Variants in SLC44A5 observed in about 807,000 individuals in gnomAD.
The protein encoded by SLC44A5 is choline transporter-like protein 5.
In SLC44A5, 57 loss-of-function variants were observed where a neutral mutation model predicts 101.8. The ratio of observed to expected loss-of-function variants is 0.56; its 90% confidence interval spans 0.45 to 0.70. SLC44A5 has a LOEUF of 0.70. SLC44A5 is among the 30% of genes least tolerant of loss of function. The pLI is 0.00. For missense variants in SLC44A5, 737 were observed against 853.1 expected (o/e 0.86, Z 1.70); for synonymous variants, 281 against 290.9 (o/e 0.97, Z 0.35).
chr1:75,411,252 G>A (rs1663261270), intron 2 of SLC44A5, among the ~76,000 whole-genome samples: 1 of 151,980 alleles, frequency 6.6e-6, no homozygotes, highest in African/African-American at 2.4e-5. Flanking sequence ...GGAAGAAAGG[G>A]GTCTCAAGTC....
At chr1:75,319,802 T>G (rs774885011) in intron 4 of SLC44A5, among the ~76,000 whole-genome samples, 1 of 152,094 alleles carries the variant, frequency 6.6e-6, no homozygotes, top group Non-Finnish European at 1.5e-5. Context: ...TTTCAAAATA[T>G]AACAGATAAA....
At chr1:75,222,299 G>T in intron 14 of SLC44A5, 62 bp downstream of exon 14, 1 of 1,216,218 alleles carries the variant, frequency 8.2e-7, no homozygotes. Context: ...TTTATGCAAG[G>T]GACAGTGACT....
At chr1:75,476,142 C>T (rs1289902879) in intron 2 of SLC44A5, among the ~76,000 whole-genome samples, 1 of 151,866 alleles carries the variant, frequency 6.6e-6, no homozygotes, top group African/African-American at 2.4e-5. Context: ...GAGATCAGGC[C>T]ACTGCACTCC....
At chr1:75,460,068 T>C (rs1666414088) in intron 2 of SLC44A5, among the ~76,000 whole-genome samples, 1 of 152,204 alleles carries the variant, frequency 6.6e-6, no homozygotes, top group South Asian at 2.1e-4. Context: ...ATATTAAAAT[T>C]AATGGCTATA....
chr1:75,582,521 G>A (rs547084430), intron 1 of SLC44A5: 2 of 553,760 alleles, frequency 3.6e-6, no homozygotes, highest in African/African-American at 3.7e-5. Flanking sequence ...TCCAGCTCAG[G>A]CTCCCAAAGG....
chr1:75,676,656 G>T, the SLC44A5 span, among the ~76,000 whole-genome samples: 1 of 152,152 alleles, frequency 6.6e-6, no homozygotes, highest in Non-Finnish European at 1.5e-5. Context: ...ATTTACTTAG[G>T]TAACAAACCT....
At chr1:75,587,583 G>C (rs1674083491) in intron 1 of SLC44A5, among the ~76,000 whole-genome samples, 1 of 152,108 alleles carries the variant, frequency 6.6e-6, no homozygotes, top group Non-Finnish European at 1.5e-5. Flanking sequence ...CTTTCCTCCA[G>C]TTGTTGTTTT....
chr1:75,251,361 A>G, intron 6 of SLC44A5, 67 bp from the exon 7 acceptor site: 5 of 1,291,744 alleles, frequency 3.9e-6, no homozygotes, highest in Non-Finnish European at 5.5e-6. Flanking sequence ...TCAGACCCTG[A>G]ACACTTTTTA....
intron 2 of SLC44A5, among the ~76,000 whole-genome samples, chr1:75,469,963 G>T (rs1667019322): frequency 6.8e-6 from 1 of 147,172 alleles, no homozygotes; most frequent in Non-Finnish European, 1.5e-5. Flanking sequence ...ATAAAAAATT[G>T]CAGTTCAAAG....
chr1:75,574,171 G>A (rs1405508575), intron 1 of SLC44A5, among the ~76,000 whole-genome samples: 1 of 152,170 alleles, frequency 6.6e-6, no homozygotes, highest in Admixed American at 6.5e-5. Context: ...TGTTCCCCCT[G>A]TGGCTTATCC....
At chr1:75,233,920 A>G in intron 12 of SLC44A5, 66 bp downstream of exon 12, 3 of 1,198,224 alleles carry the variant, frequency 2.5e-6, no homozygotes, top group Non-Finnish European at 3.7e-6. Flanking sequence ...CTGGTAACTG[A>G]TAACAGCGAT....
At chr1:75,474,446 C>T (rs185403309) in intron 2 of SLC44A5, among the ~76,000 whole-genome samples, 8 of 152,304 alleles carry the variant, frequency 5.3e-5, no homozygotes, top group African/African-American at 1.9e-4. Flanking sequence ...CTTTCAAATT[C>T]ACACCTCAAT....
intron 2 of SLC44A5, among the ~76,000 whole-genome samples, chr1:75,510,287 G>T (rs1669496711): frequency 6.6e-6 from 1 of 152,122 alleles, no homozygotes; most frequent in African/African-American, 2.4e-5. Flanking sequence ...AGTAGACCTT[G>T]AAGAGTCCTA....
chr1:75,287,206 C>A (rs756080083), intron 5 of SLC44A5, among the ~76,000 whole-genome samples: 19 of 151,804 alleles, frequency 1.3e-4, no homozygotes, highest in Non-Finnish European at 2.2e-4. Context: ...GAAGCTCTTT[C>A]TTCTACTTTT....
the SLC44A5 span, among the ~76,000 whole-genome samples, chr1:75,640,022 A>T: frequency 6.6e-6 from 1 of 152,028 alleles, no homozygotes; most frequent in African/African-American, 2.4e-5. Flanking sequence ...TTGTACTGAA[A>T]GGGGGAAAAG....
At chr1:75,300,917 A>G (rs1207691092) in intron 4 of SLC44A5, among the ~76,000 whole-genome samples, 1 of 152,178 alleles carries the variant, frequency 6.6e-6, no homozygotes, top group Non-Finnish European at 1.5e-5. Flanking sequence ...AACTCTTAGT[A>G]TTTGTTCTCT....
At chr1:75,242,262 G>A (rs539706193) in intron 8 of SLC44A5, among the ~76,000 whole-genome samples, 11 of 151,818 alleles carry the variant, frequency 7.2e-5, no homozygotes, top group African/African-American at 1.4e-4. Flanking sequence ...TAATTCAATC[G>A]GACCAACAAT....
At chr1:75,515,404 TTTTGTACC>T (rs1229915205) in intron 2 of SLC44A5, among the ~76,000 whole-genome samples, 1 of 152,088 alleles carries the variant, frequency 6.6e-6, no homozygotes, top group African/African-American at 2.4e-5. Context: ...TTGTCTGAAA[TTTTGTACC>T]TTTAACCATT....
At chr1:75,416,635 G>A (rs887869686) in intron 2 of SLC44A5, among the ~76,000 whole-genome samples, 3 of 152,280 alleles carry the variant, frequency 2.0e-5, no homozygotes, top group South Asian at 2.1e-4. Context: ...GCAGACACTC[G>A]ACACCAGCCC....
Sources: allele counts gnomAD v4.1 joint callset (sites outside exome capture counted in the v4.1 genomes callset), GRCh38; gene constraint gnomAD v4.1.1; transcripts MANE v1.5; gene names NCBI Gene and HGNC (gene_info 2026-07-23, HGNC 2026-07-21).